Variants in PDZD2 observed in about 807,000 individuals in gnomAD.
PDZD2 encodes PDZ domain containing 2, also known as PDZ domain-containing protein 2.
Under a neutral mutation model 220.7 loss-of-function variants are expected in PDZD2, and 90 were observed. That is an observed-to-expected ratio of 0.41 (90% CI 0.34 to 0.49). The LOEUF (loss-of-function observed/expected upper bound fraction) is 0.49, where lower values mean the gene tolerates loss of function less well. Ranked by LOEUF, PDZD2 falls within the 20% of genes least tolerant of loss-of-function variation. PDZD2 has a pLI of 0.28. For synonymous variants in PDZD2, 1,375 were observed against 1,450.5 expected (o/e 0.95, Z 1.18); for missense variants, 3,174 against 3,608.5 (o/e 0.88, Z 3.08).
intron 2 of PDZD2, among the ~76,000 whole-genome samples, chr5:31,973,646 G>A (rs978506119): frequency 6.6e-6 from 1 of 152,194 alleles, no homozygotes; most frequent in Non-Finnish European, 1.5e-5. Context: ...TTTAGTTAGA[G>A]TGTTATGCAA....
chr5:31,866,935 G>A (rs1738280807), intron 2 of PDZD2, among the ~76,000 whole-genome samples: 1 of 152,188 alleles, frequency 6.6e-6, no homozygotes, highest in African/African-American at 2.4e-5. Context: ...AGGGATCTCA[G>A]AGCATGTCTA....
At chr5:31,973,097 C>T (rs926159452) in intron 2 of PDZD2, among the ~76,000 whole-genome samples, 1 of 152,170 alleles carries the variant, frequency 6.6e-6, no homozygotes, top group Non-Finnish European at 1.5e-5. Flanking sequence ...CTATTTCCAA[C>T]AGGTGTATGG....
chr5:31,774,547 C>T (rs547717021), intron 1 of PDZD2, among the ~76,000 whole-genome samples: 6 of 151,798 alleles, frequency 4.0e-5, no homozygotes, highest in African/African-American at 1.5e-4. Context: ...AACCCTATCT[C>T]GACTAAAAAT....
chr5:32,040,077 G>C (rs1383539015), intron 7 of PDZD2, among the ~76,000 whole-genome samples: 2 of 148,118 alleles, frequency 1.4e-5, no homozygotes, highest in Non-Finnish European at 3.0e-5. Flanking sequence ...TGGGAGATGA[G>C]GAGCGCTTCT....
chr5:31,882,001 G>A (rs1006552213), intron 2 of PDZD2, among the ~76,000 whole-genome samples: 3 of 152,188 alleles, frequency 2.0e-5, no homozygotes, highest in African/African-American at 7.2e-5. Flanking sequence ...TTACAGGTGA[G>A]AGCCACTGTG....
intron 2 of PDZD2, among the ~76,000 whole-genome samples, chr5:31,869,402 T>C (rs1317293382): frequency 6.6e-6 from 1 of 151,994 alleles, no homozygotes; most frequent in Non-Finnish European, 1.5e-5. Context: ...ATGTATTGGC[T>C]GCATACAAAA....
intron 2 of PDZD2, among the ~76,000 whole-genome samples, chr5:31,927,604 T>C (rs1417749615): frequency 6.6e-6 from 1 of 152,050 alleles, no homozygotes; most frequent in African/African-American, 2.4e-5. Flanking sequence ...AGGCTGGTCT[T>C]AAACTCCTGA....
chr5:31,810,305 C>T (rs1755019575), intron 2 of PDZD2, among the ~76,000 whole-genome samples: 1 of 151,034 alleles, frequency 6.6e-6, no homozygotes, highest in Non-Finnish European at 1.5e-5. Context: ...CTCTGTCGCC[C>T]AGGCTGGAGT....
intron 1 of PDZD2, among the ~76,000 whole-genome samples, chr5:31,764,776 C>T (rs1412902583): frequency 6.6e-6 from 1 of 152,128 alleles, no homozygotes; most frequent in Non-Finnish European, 1.5e-5. Context: ...GTTACCATTG[C>T]TTCAGAATTG....
intron 1 of PDZD2, among the ~76,000 whole-genome samples, chr5:31,752,069 G>GTTTTTTTTT (rs1491302993): frequency 1.0e-4 from 10 of 95,848 alleles, no homozygotes; most frequent in African/African-American, 1.3e-4. Flanking sequence ...ATTGTTTTGG[G>GTTTTTTTTT]TTTGTTTTTT....
chr5:31,770,959 C>T (rs1752307387), intron 1 of PDZD2, among the ~76,000 whole-genome samples: 1 of 151,898 alleles, frequency 6.6e-6, no homozygotes, highest in East Asian at 1.9e-4. Context: ...AATGTGTGTG[C>T]TTTTTTTGCT....
intron 2 of PDZD2, among the ~76,000 whole-genome samples, chr5:31,931,765 A>C (rs76294850): frequency 6.6e-6 from 1 of 152,114 alleles, no homozygotes; most frequent in East Asian, 1.9e-4. Context: ...CAGATTTGAC[A>C]GCTAAGAAAC....
At chr5:31,873,531 C>A (rs962298126) in intron 2 of PDZD2, among the ~76,000 whole-genome samples, 7 of 137,044 alleles carry the variant, frequency 5.1e-5, no homozygotes, top group Non-Finnish European at 9.6e-5. Context: ...ATTGAAAATT[C>A]TTTTTATTTA....
At chr5:32,013,322 C>CTTTTTTTTTTTTTTTT (rs11428109) in intron 6 of PDZD2, among the ~76,000 whole-genome samples, 1 of 135,830 alleles carries the variant, frequency 7.4e-6, no homozygotes, top group African/African-American at 2.7e-5. Context: ...TCTGTGTTAT[C>CTTTTTTTTTTTTTTTT]TTTTTTTTTT....
rs767062346 is a variant in PDZD2 at position 32,088,315 on chromosome 5, A to G, written c.4867A>G (p.Ile1623Val). The stretch of plus-strand genomic sequence containing the variant: ...TGCTCATCTTCCCACCCAGGCTGCC[A>G]TCTGTCCTGCCTCAGCCAAAGTTCT... ...SPAHLPTQAA[I>V]CPASAKVLSL... The change falls in exon 20 of 25, where the codon ATC becomes GTC. Residue 1623 changes from isoleucine (I) to valine (V), a missense_variant. Ile to Val is a conservative substitution (Grantham distance 29, BLOSUM62 3). Transcript: ENST00000438447. This position sits in a 1 kb window ranked among gnomAD's most constrained non-coding sequence, Gnocchi z 4.6. The G allele has an allele frequency of 1.5e-5, 25 of 1,613,926 alleles. No homozygotes were observed. The Admixed American group carries it at 4.2e-4, about 27-fold the overall frequency.
At chr5:31,644,379 GT>G (rs1367327757) in intron 1 of PDZD2, among the ~76,000 whole-genome samples, 4 of 152,300 alleles carry the variant, frequency 2.6e-5, no homozygotes, top group Admixed American at 6.5e-5. Flanking sequence ...AGCCAGGTAG[GT>G]CATCTGATTC....
intron 6 of PDZD2, among the ~76,000 whole-genome samples, chr5:32,022,104 C>T (rs1405873811): frequency 6.6e-6 from 1 of 151,904 alleles, no homozygotes; most frequent in Non-Finnish European, 1.5e-5. Context: ...CTTGTTTCTT[C>T]TCTCATGGTA....
At chr5:31,801,208 C>T (rs1160190687) in intron 2 of PDZD2, among the ~76,000 whole-genome samples, 1 of 152,230 alleles carries the variant, frequency 6.6e-6, no homozygotes, top group African/African-American at 2.4e-5. Context: ...GCAGTAGACA[C>T]TCTCACCAGT....
intron 2 of PDZD2, among the ~76,000 whole-genome samples, chr5:31,844,969 T>G (rs1757508478): frequency 6.6e-6 from 1 of 150,624 alleles, no homozygotes; most frequent in Admixed American, 6.6e-5. Flanking sequence ...AGAAACAAGT[T>G]TCTTTTATCA....
Sources: allele counts gnomAD v4.1 joint callset (sites outside exome capture counted in the v4.1 genomes callset), GRCh38; gene constraint gnomAD v4.1.1; non-coding constraint Gnocchi (gnomAD v3.1); transcripts MANE v1.5; gene names NCBI Gene and HGNC (gene_info 2026-07-23, HGNC 2026-07-21).